Variants in SPG7 observed in about 807,000 individuals in gnomAD.
SPG7 encodes the protein mitochondrial inner membrane m-AAA protease component paraplegin.
A neutral mutation model predicts 81.9 loss-of-function variants in SPG7; 103 were observed. That is an observed-to-expected ratio of 1.26 (90% CI 1.07 to 1.48). The LOEUF (loss-of-function observed/expected upper bound fraction) is 1.48, where lower values mean the gene tolerates loss of function less well. Among genes scored for constraint, SPG7 ranks in the 40% most tolerant of loss-of-function variants. The probability of loss-of-function intolerance (pLI) is 0.00; values close to 1 mark genes in which losing one functional copy is unlikely to be tolerated. For missense variants in SPG7, 1,241 were observed against 1,087.3 expected (o/e 1.14, Z -1.99); for synonymous variants, 534 against 444.2 (o/e 1.20, Z -2.54).
At chr16:89,546,586 A>C in intron 10 of SPG7, 72 bp from the exon 11 acceptor site, 89 of 848,040 alleles carry the variant, frequency 1.0e-4, no homozygotes, top group Non-Finnish European at 1.5e-4. Flanking sequence ...CCCCCCCCAC[A>C]GACAAACATG....
chr16:89,546,545 A>T (rs1412755657), intron 10 of SPG7, 113 bp from the exon 11 acceptor site: 1 of 803,940 alleles, frequency 1.2e-6, no homozygotes, highest in Non-Finnish European at 2.2e-6. Flanking sequence ...ATGATGGCAC[A>T]CACTTGTAAT....
intron 5 of SPG7, chr16:89,527,161 A>C (rs1355785099): frequency 6.4e-6 from 1 of 156,762 alleles, no homozygotes; most frequent in South Asian, 1.9e-4. Context: ...GTGCATGTTG[A>C]GTATAGATGC....
chr16:89,534,851 C>G (rs868563661), intron 9 of SPG7, among the ~76,000 whole-genome samples: 5 of 152,214 alleles, frequency 3.3e-5, no homozygotes, highest in African/African-American at 1.2e-4. Flanking sequence ...GTGCTTCCGC[C>G]CCCCCGATGT....
chr16:89,530,763 G>C lies in SPG7; in HGVS notation c.942G>C (p.Met314Ile), dbSNP rs780596661. The change falls in exon 7 of 17, where the codon ATG (methionine) becomes ATC (isoleucine). Residue 314 changes from methionine (M) to isoleucine (I), a missense_variant. Coordinates refer to ENST00000645818, the MANE Select transcript of SPG7 (RefSeq NM_003119.4). ...TCAGCTTCAAAGACGTGGCAGGAAT[G>C]CACGAAGCCAAACTGGAAGTCCGCG... ...KGVSFKDVAG[M>I]HEAKLEVREF... 29 of 1,614,090 alleles carry C rather than the reference G, an allele frequency of 1.8e-5. No individual in the cohort carries two copies. Among genetic ancestry groups the C allele is most frequent in the Non-Finnish European group, 2.5e-5 (29 of 1,180,054 alleles).
chr16:89,514,517 T>C (rs1597606912), intron 3 of SPG7: 1 of 152,190 alleles, frequency 6.6e-6, no homozygotes, highest in African/African-American at 2.4e-5. Context: ...TTGTTTGTTT[T>C]TGAGACGGAG....
At position 89,550,364 on chromosome 16, in the gene SPG7, G is replaced by C; in HGVS notation, c.1664-130G>C. 23 of 735,164 alleles carry C rather than the reference G, an allele frequency of 3.1e-5. No homozygotes were observed. In the South Asian group the frequency reaches 3.2e-4, roughly 10 times the overall value. The allele number at this position is 735,164 out of a possible 1,614,324, so 45.5% of individuals were successfully genotyped here. On this transcript the variant is annotated intron_variant, in intron 12 of 16. Transcript: ENST00000645818. ...ATTTTTCTATTTTTAGTAGGGACGGGGTTTCACCATATTGGTCGGGCTGGT... is the reference window on the plus strand; with the variant it reads ...ATTTTTCTATTTTTAGTAGGGACGGCGTTTCACCATATTGGTCGGGCTGGT...
At chr16:89,537,589 T>TGCCACCATCATAGCTCACTGCAGC in intron 9 of SPG7, 1 of 964,920 alleles carries the variant, frequency 1.0e-6, no homozygotes, top group Non-Finnish European at 1.2e-6. Context: ...TGGAGTGCAG[T>TGCCACCATCATAGCTCACTGCAGC]GCCACCATCA....
At chr16:89,528,314 C>G (rs1013948143) in intron 5 of SPG7, among the ~76,000 whole-genome samples, 1 of 151,506 alleles carries the variant, frequency 6.6e-6, no homozygotes, top group East Asian at 2.0e-4. Flanking sequence ...ATGGCGTGAA[C>G]CCGGGAGGCG....
At position 89,531,971 on chromosome 16, in the gene SPG7, G is replaced by C. The variant is rs1567914095; in HGVS notation, c.1055G>C (p.Gly352Ala). Reference sequence around the variant, plus strand: ...GGCGCACTGCTGCTCGGCCCCCCCGGCTGTGGGAAGACGCTGCTGGCCAAG... The same window carrying C: ...GGCGCACTGCTGCTCGGCCCCCCCGCCTGTGGGAAGACGCTGCTGGCCAAG... ...PKGALLLGPP[G>A]CGKTLLAKAV... Residue 352 changes from glycine (G) to alanine (A), a missense_variant, in exon 8 of 17, where the codon GGC becomes GCC. Gly to Ala is a moderately conservative substitution (Grantham distance 60). Transcript: ENST00000645818. 2.5e-6 allele frequency: 4 copies of C among 1,613,840 alleles called. No homozygotes were observed. Among genetic ancestry groups the C allele is most frequent in the Non-Finnish European group, 3.4e-6 (4 of 1,179,852 alleles).
chr16:89,520,639 C>T (rs1442497530), intron 3 of SPG7: 1 of 152,446 alleles, frequency 6.6e-6, no homozygotes, highest in Non-Finnish European at 1.5e-5. Flanking sequence ...TCAGGTGATC[C>T]ACTCACCTCA....
rs1364131424 is a variant in SPG7, at chr16:89,524,215, C to T, written c.586C>T (p.Leu196=). 6.2e-7 allele frequency: 1 copy of T among 1,613,230 alleles called. No homozygotes were observed. The highest frequency in any genetic ancestry group is 1.3e-5 in the African/African-American group (1 of 75,028). The change falls in exon 4 of 17, where the codon CTG becomes TTG. Residue 196 remains leucine, a synonymous_variant. Transcript: ENST00000645818. ...VPESDVVEVY[L]HPGAVVFGRP... ...TGAGAGCGACGTGGTGGAAGTCTAC[C>T]TGCACCCTGGAGCCGTGGTGTTTGG... is the stretch of plus-strand genomic sequence containing the variant.
At chr16:89,511,735 A>G (rs1307330480) in intron 2 of SPG7, among the ~76,000 whole-genome samples, 1 of 152,050 alleles carries the variant, frequency 6.6e-6, no homozygotes, top group Admixed American at 6.6e-5. Flanking sequence ...TATTTTTATT[A>G]TTTTTTATTA....
Position 89,528,603 on chromosome 16 carries a change from C to CAT in SPG7, c.759-874_759-873insAT, listed in dbSNP as rs1555612169. The CAT allele has an allele frequency of 2.4e-4, 27 of 113,560 alleles. 5 individuals carry two copies. The highest frequency in any genetic ancestry group is 2.5e-4 in the East Asian group (1 of 4,028). 7.0% of individuals were successfully genotyped at this position (113,560 alleles called of 1,614,324 possible). On this transcript the variant is annotated intron_variant, in intron 5 of 16. Coordinates refer to ENST00000645818, the MANE Select transcript of SPG7 (RefSeq NM_003119.4). ...ATGAGGGCAAAAGTCCTGGGATTTGCTTTTTTTTTTTTTTTTTTTTGGAGT... is the reference window on the plus strand; with the variant it reads ...ATGAGGGCAAAAGTCCTGGGATTTGCATTTTTTTTTTTTTTTTTTTTTGGAGT...
intron 2 of SPG7, among the ~76,000 whole-genome samples, chr16:89,511,248 A>G (rs1390926494): frequency 2.0e-5 from 3 of 152,230 alleles, no homozygotes; most frequent in Non-Finnish European, 2.9e-5. Context: ...AGGATTTACA[A>G]AGTGGCTACA....
chr16:89,547,239 C>T, intron 11 of SPG7: 1 of 199,910 alleles, frequency 5.0e-6, no homozygotes, highest in Non-Finnish European at 1.0e-5. Context: ...ATGAATTTGC[C>T]CTTTGATTAT....
chr16:89,510,033 G>C (rs1327607663), intron 1 of SPG7, among the ~76,000 whole-genome samples: 1 of 151,894 alleles, frequency 6.6e-6, no homozygotes, highest in Non-Finnish European at 1.5e-5. Context: ...GGAGTGCAGT[G>C]GTGCTATCTC....
intron 2 of SPG7, among the ~76,000 whole-genome samples, chr16:89,512,074 GC>G (rs1317931644): frequency 6.6e-6 from 1 of 151,950 alleles, no homozygotes; most frequent in Non-Finnish European, 1.5e-5. Context: ...ACTATGCCCG[GC>G]TAATTTTTTG....
chr16:89,557,340 G>A lies in SPG7; in HGVS notation c.*247G>A. The A allele has an allele frequency of 1.8e-6, 1 of 544,314 alleles. No homozygotes were observed. The highest frequency in any genetic ancestry group is 3.3e-6 in the Non-Finnish European group (1 of 301,952). 33.7% of individuals were successfully genotyped at this position (544,314 alleles called of 1,614,324 possible). On this transcript the variant is annotated 3_prime_UTR_variant, in exon 17 of 17. Transcript: ENST00000645818. ...GGGGAAGGTTATCAGTGCTTCCCGA[G>A]TGAGCATGGAACACTTCGAGTTCCC...
chr16:89,537,275 G>A (rs982523650), intron 9 of SPG7: 50 of 1,329,082 alleles, frequency 3.8e-5, no homozygotes, highest in African/African-American at 5.0e-5. Flanking sequence ...GGTGTCCTGC[G>A]GACCCCAGAG....
Sources: allele counts gnomAD v4.1 joint callset (sites outside exome capture counted in the v4.1 genomes callset), GRCh38; gene constraint gnomAD v4.1.1; transcripts MANE v1.5; gene names NCBI Gene and HGNC (gene_info 2026-07-23, HGNC 2026-07-21).